Variants in FRYL observed in about 807,000 individuals in gnomAD.
FRYL encodes the protein FRY like transcription coactivator.
In FRYL, 150 loss-of-function variants were observed where a neutral mutation model predicts 351.2. That is an observed-to-expected ratio of 0.43 (90% confidence interval 0.37 to 0.49). The LOEUF is 0.49. FRYL is among the 20% of genes least tolerant of loss of function. The pLI, the probability that FRYL is intolerant of heterozygous loss-of-function variation, is 0.00. For synonymous variants in FRYL, 1,153 were observed against 1,257.1 expected (o/e 0.92, Z 1.75); for missense variants, 3,036 against 3,619.3 (o/e 0.84, Z 4.13).
Position 48,510,849 on chromosome 4 carries a change from C to T in FRYL, c.8281G>A (p.Val2761Met). The T allele has an allele frequency of 2.5e-6, 4 of 1,612,314 alleles. No homozygotes were observed. Among genetic ancestry groups the T allele is most frequent in the Non-Finnish European group, 3.4e-6 (4 of 1,179,270 alleles). ...MLCSECPTVF[V>M]DAETLMSCGL... ...TAAAAACTTACTGTTTCAGCATCCA[C>T]AAAGACTGTTGGGCATTCTGAACAC... is the stretch of plus-strand genomic sequence containing the variant. Residue 2761 changes from valine (V) to methionine (M), a missense_variant, in exon 58 of 64, where the codon GTG becomes ATG. This residue lies in a region of FRYL where 1,987 missense variants were observed against 2,311.7 expected (regional missense o/e 0.86). Transcript: ENST00000358350.
chr4:48,702,028 T>C (rs1331795482), intron 2 of FRYL, among the ~76,000 whole-genome samples: 2 of 152,260 alleles, frequency 1.3e-5, no homozygotes, highest in African/African-American at 4.8e-5. Flanking sequence ...CCAAAAGTTC[T>C]ATTCAAAATT....
Position 48,634,208 on chromosome 4 carries a change from T to A in FRYL, c.120+83A>T, listed in dbSNP as rs545906091. ...CCCTTAATATTTTTTTCAAGTATAT[T>A]ATTTCCTTTGAAAAATCTGCATTAT... On this transcript the variant is annotated intron_variant, in intron 4 of 63. Coordinates refer to ENST00000358350, the MANE Select transcript of FRYL (RefSeq NM_015030.2). The A allele has an allele frequency of 9.9e-6, 10 of 1,013,056 alleles. No individual in the cohort carries two copies. In the African/African-American group the frequency reaches 1.6e-4, roughly 16 times the overall value. 62.8% of individuals were successfully genotyped at this position (1,013,056 alleles called of 1,614,324 possible).
rs372020475 is a variant in FRYL at position 48,547,727 on chromosome 4, C to T, written c.4931G>A (p.Arg1644His). The T allele has an allele frequency of 1.5e-5, 23 of 1,576,436 alleles. No individual in the cohort carries two copies. Among genetic ancestry groups the T allele is most frequent in the South Asian group, 2.4e-5 (2 of 84,740 alleles). The change falls in exon 41 of 64, where the codon CGC becomes CAC. Residue 1644 changes from arginine to histidine, a missense_variant. Coordinates refer to ENST00000358350, the MANE Select transcript of FRYL (RefSeq NM_015030.2). ...CHPEVYEHCK[R>H]LLLHLLIVMG... ...TACTATTAATAAGTGCAGAAGCAGGCGTTTACAATGTTCATACACCTCAGG... is the reference window on the plus strand; with the variant it reads ...TACTATTAATAAGTGCAGAAGCAGGTGTTTACAATGTTCATACACCTCAGG...
At chr4:48,721,725 T>C (rs1458606111) in intron 1 of FRYL, among the ~76,000 whole-genome samples, 1 of 152,124 alleles carries the variant, frequency 6.6e-6, no homozygotes, top group Admixed American at 6.6e-5. Flanking sequence ...CTGCAACTTC[T>C]GCCTCCCTGG....
chr4:48,712,743 A>G (rs999009314), intron 1 of FRYL, among the ~76,000 whole-genome samples: 9 of 152,328 alleles, frequency 5.9e-5, no homozygotes, highest in African/African-American at 2.2e-4. Flanking sequence ...CCTCGAGAAG[A>G]GCAACTCCAA....
chr4:48,708,631 C>T (rs1269440490), intron 2 of FRYL, among the ~76,000 whole-genome samples: 1 of 152,212 alleles, frequency 6.6e-6, no homozygotes, highest in African/African-American at 2.4e-5. Context: ...ACAATCCATT[C>T]ACCCTGGCTG....
Position 48,586,689 on chromosome 4 carries a change from A to G in FRYL, c.1680T>C (p.Cys560=). 7 of 1,611,422 alleles carry G rather than the reference A, an allele frequency of 4.3e-6. No individual in the cohort carries two copies. The highest frequency in any genetic ancestry group is 5.9e-6 in the Non-Finnish European group (7 of 1,178,960). Residue 560 remains cysteine (C), a synonymous_variant, in exon 19 of 64, where the codon TGT becomes TGC. Transcript: ENST00000358350. Reference sequence around the variant, plus strand: ...GAATCAACCTTGGAATCGCAGCAATACAAGTTCTAAACAAATCAATCTTGG... The same window carrying G: ...GAATCAACCTTGGAATCGCAGCAATGCAAGTTCTAAACAAATCAATCTTGG... ...RKPKIDLFRT[C]IAAIPRLIPD... is the part of the protein sequence containing the mutation.
In FRYL at chr4:48,712,664, A is replaced by T. The variant is rs144080566; in HGVS notation, c.-383-1966T>A. Among the ~76,000 whole-genome samples, 587 of 152,304 alleles carry T rather than the reference A, an allele frequency of 3.9e-3. 11 individuals carry two copies. Among genetic ancestry groups the T allele is most frequent in the Admixed American group, 0.026 (404 of 15,292 alleles). ...ACTCTGCAGGATATTGTCCAGGAGAACCTCCCCAATCTAGCAAGGCAGGCC... is the reference window on the plus strand; with the variant it reads ...ACTCTGCAGGATATTGTCCAGGAGATCCTCCCCAATCTAGCAAGGCAGGCC... On this transcript the variant is annotated intron_variant, in intron 1 of 63. Coordinates refer to ENST00000358350, the MANE Select transcript of FRYL (RefSeq NM_015030.2).
intron 3 of FRYL, among the ~76,000 whole-genome samples, chr4:48,662,514 T>G (rs978016840): frequency 1.3e-5 from 2 of 151,960 alleles, no homozygotes; most frequent in African/African-American, 4.8e-5. Flanking sequence ...TAAAATTGAC[T>G]GGCTAAACCC....
intron 2 of FRYL, among the ~76,000 whole-genome samples, chr4:48,709,323 C>T (rs1046499957): frequency 1.3e-5 from 2 of 151,824 alleles, no homozygotes; most frequent in Non-Finnish European, 2.9e-5. Context: ...ATGCTAGACA[C>T]GTTAAGGAAG....
chr4:48,553,608 G>C (rs746466847), intron 35 of FRYL, among the ~76,000 whole-genome samples: 4 of 149,218 alleles, frequency 2.7e-5, no homozygotes, highest in Non-Finnish European at 5.9e-5. Context: ...AACTGAGTAT[G>C]TTTAGCGGTT....
chr4:48,713,208 G>A (rs546203711), intron 1 of FRYL, among the ~76,000 whole-genome samples: 1 of 151,394 alleles, frequency 6.6e-6, no homozygotes, highest in Admixed American at 6.6e-5. Context: ...CATAATGACA[G>A]GATCAAATTC....
chr4:48,546,033 AC>A (rs1731261753), intron 42 of FRYL, 33 bp downstream of exon 42: 1 of 1,575,032 alleles, frequency 6.3e-7, no homozygotes, highest in African/African-American at 1.3e-5. Context: ...CTTAACACAT[AC>A]ACTGCTGGGA....
chr4:48,502,558 A>AC (rs1029765554), intron 61 of FRYL, among the ~76,000 whole-genome samples: 2 of 151,838 alleles, frequency 1.3e-5, no homozygotes, highest in African/African-American at 4.8e-5. Flanking sequence ...AAAAAAAAAA[A>AC]AAAGTTGTGC....
At chr4:48,715,025 A>G (rs530690401) in intron 1 of FRYL, among the ~76,000 whole-genome samples, 8 of 152,328 alleles carry the variant, frequency 5.3e-5, no homozygotes, top group African/African-American at 1.2e-4. Flanking sequence ...CAAAAACCAC[A>G]TGATTATCTC....
At chr4:48,547,015 A>G (rs1449278704) in intron 41 of FRYL, among the ~76,000 whole-genome samples, 1 of 152,178 alleles carries the variant, frequency 6.6e-6, no homozygotes, top group African/African-American at 2.4e-5. Flanking sequence ...TTTTGAAAAA[A>G]AAGTTTCTAG....
In FRYL at chr4:48,549,733, A is replaced by C; in HGVS notation, c.4634-110T>G. The C allele has an allele frequency of 1.2e-6, 1 of 821,424 alleles. No individual in the cohort carries two copies. Among genetic ancestry groups the C allele is most frequent in the African/African-American group, 1.7e-5 (1 of 57,224 alleles). The allele number at this position is 821,424 out of a possible 1,614,324, so 50.9% of individuals were successfully genotyped here. On this transcript the variant is annotated intron_variant, in intron 38 of 63. Coordinates refer to ENST00000358350, the MANE Select transcript of FRYL (RefSeq NM_015030.2). This position sits in a 1 kb window ranked among gnomAD's most constrained non-coding sequence, Gnocchi z 4.2. ...ATAGTATTGGAAAGTGATAAAAAAA[A>C]TTTCCCACTATTTCAACATGTTTGC...
chr4:48,695,152 T>G (rs1361890926), intron 2 of FRYL, among the ~76,000 whole-genome samples: 10 of 152,208 alleles, frequency 6.6e-5, no homozygotes, highest in African/African-American at 2.4e-4. Flanking sequence ...AGTGAACTAC[T>G]GTTTAAACAT....
intron 1 of FRYL, among the ~76,000 whole-genome samples, chr4:48,777,395 C>T (rs1383007780): frequency 3.9e-5 from 6 of 152,236 alleles, no homozygotes; most frequent in Middle Eastern, 3.4e-3. Flanking sequence ...ACTCAAGCGG[C>T]CTTTACAGGA....
Sources: allele counts gnomAD v4.1 joint callset (sites outside exome capture counted in the v4.1 genomes callset), GRCh38; gene constraint gnomAD v4.1.1; regional missense constraint gnomAD v4.1.1; non-coding constraint Gnocchi (gnomAD v3.1); transcripts MANE v1.5; gene names NCBI Gene and HGNC (gene_info 2026-07-23, HGNC 2026-07-21).